MZF1: variants seen among roughly 807,000 people sequenced by gnomAD.
The protein encoded by MZF1 is myeloid zinc finger 1, also known as zinc finger and SCAN domain-containing protein 6.
Under a neutral mutation model 28.6 loss-of-function variants are expected in MZF1, and 24 were observed. That is an observed-to-expected ratio of 0.84 (90% CI 0.61 to 1.18). The LOEUF is 1.18. MZF1 is among the 50% of genes most tolerant of loss of function. MZF1 has a pLI of 0.00. For missense variants in MZF1, 1,166 were observed against 1,026.4 expected, an observed-to-expected ratio of 1.14 and a Z score of -1.86; for synonymous variants, 516 against 432.5, an observed-to-expected ratio of 1.19 and a Z score of -2.40.
chr19:58,568,418 C>G (rs2054096132), intron 5 of MZF1: 1 of 151,992 alleles, frequency 6.6e-6, no homozygotes, highest in Non-Finnish European at 1.5e-5. Context: ...TAAGAGGCAT[C>G]CCAGAAACAG....
Position 58,571,244 on chromosome 19 carries a change from C to T in MZF1, c.146G>A (p.Cys49Tyr). 1.9e-6 allele frequency: 3 copies of T among 1,612,728 alleles called. No homozygotes were observed. In the African/African-American group the frequency reaches 4.0e-5, roughly 21 times the overall value. The change falls in exon 2 of 6, where the codon TGC (cysteine) becomes TAC (tyrosine). Residue 49 changes from cysteine to tyrosine, a missense_variant. By Grantham distance (194) the Cys-to-Tyr change is radical (BLOSUM62 -2). Transcript: ENST00000215057. ...CCCTGTGGCCTCCTCATAGCGGAAG[C>T]ACCGGAAACGCAGGCGTGCAGCTTC... ...GPEAARLRFR[C>Y]FRYEEATGPQ...
chr19:58,563,018 C>T lies in MZF1; in HGVS notation c.1259G>A (p.Gly420Asp), dbSNP rs987090952. ...TTCCAGGCGCGCGCTGCGCACGAAG[C>T]CCTGGCCACAGTCGCCGCACACGAA... ...RPFVCGDCGQ[G>D]FVRSARLEEH... Residue 420 changes from glycine (G) to aspartate (D), a missense_variant, in exon 6 of 6, where the codon GGC (glycine) becomes GAC (aspartate). Coordinates refer to ENST00000215057, the MANE Select transcript of MZF1 (RefSeq NM_198055.2). The T allele has an allele frequency of 1.9e-6, 3 of 1,601,814 alleles. No individual in the cohort carries two copies. Among genetic ancestry groups the T allele is most frequent in the Non-Finnish European group, 2.5e-6 (3 of 1,179,662 alleles).
Position 58,563,078 on chromosome 19 carries a change from A to G in MZF1, c.1199T>C (p.Leu400Pro), listed in dbSNP as rs756977306. The change falls in exon 6 of 6, where the codon CTG (leucine) becomes CCG (proline). Residue 400 changes from leucine to proline, a missense_variant. Transcript: ENST00000215057. ...CTCGGTGTGCGTAAGCTGGTGGCGC[A>G]GCAGGTGCGAGCTGCGGCTGAAGCT... ...GRSFSRSSHL[L>P]RHQLTHTEER... 1 of 1,603,820 alleles carries G rather than the reference A, an allele frequency of 6.2e-7. No individual in the cohort carries two copies. Among genetic ancestry groups the G allele is most frequent in the South Asian group, 1.1e-5 (1 of 90,980 alleles).
Position 58,562,012 on chromosome 19 carries a change from A to G in MZF1, c.*60T>C, listed in dbSNP as rs2053933729. The G allele has an allele frequency of 2.0e-6, 3 of 1,496,404 alleles. No homozygotes were observed. The highest frequency in any genetic ancestry group is 2.5e-5 in the South Asian group (2 of 81,498). The allele number at this position is 1,496,404 out of a possible 1,614,324, so 92.7% of individuals were successfully genotyped here. On this transcript the variant is annotated 3_prime_UTR_variant, in exon 6 of 6. Transcript: ENST00000215057. Reference sequence around the variant, plus strand: ...TTATACTTATGTAATCGCCAGCCTCACAATAACCAGGGGAGGTAGGTGTTC... The same window carrying G: ...TTATACTTATGTAATCGCCAGCCTCGCAATAACCAGGGGAGGTAGGTGTTC...
intron 3 of MZF1, 136 bp downstream of exon 3, chr19:58,570,208 T>C (rs780662625): frequency 5.3e-6 from 5 of 940,806 alleles, no homozygotes; most frequent in East Asian, 2.6e-5. Context: ...CTGGGTAGAA[T>C]GTGGGGGCTG....
In MZF1 at chr19:58,562,089, C is replaced by G. The variant is rs759082568; in HGVS notation, c.2188G>C (p.Val730Leu). The change falls in exon 6 of 6, where the codon GTC becomes CTC. Residue 730 changes from valine (V) to leucine (L), a missense_variant. By Grantham distance (32) the Val-to-Leu change is conservative (BLOSUM62 1). Coordinates refer to ENST00000215057, the MANE Select transcript of MZF1 (RefSeq NM_198055.2). Reference sequence around the variant, plus strand: ...GGCTGGAGCTACTCGGCGCTGTGGACGCGCTGGTGCTGAATGAGCTTGGTG... The same window carrying G: ...GGCTGGAGCTACTCGGCGCTGTGGAGGCGCTGGTGCTGAATGAGCTTGGTG... The part of the protein sequence containing the change: ...QSTKLIQHQR[V>L]HSAE 14 of 1,566,410 alleles carry G rather than the reference C, an allele frequency of 8.9e-6. No homozygotes were observed. The Admixed American group carries it at 2.1e-4, about 24-fold the overall frequency.
rs150630080 is a variant in MZF1 at position 58,562,373 on chromosome 19, G to C, written c.1904C>G (p.Thr635Arg). 3,479 of 1,607,022 alleles carry C rather than the reference G, an allele frequency of 2.2e-3. 6 individuals carry two copies. The highest frequency in any genetic ancestry group is 2.4e-3 in the Non-Finnish European group (2,817 of 1,177,760). ...YHCGECGLGF[T>R]QVSRLTEHQR... ...GTGCTCGGTGAGCCGCGAGACCTGC[G>C]TGAAGCCCAGGCCGCACTCACCGCA... The change falls in exon 6 of 6, where the codon ACG becomes AGG. Residue 635 changes from threonine (T) to arginine (R), a missense_variant. Coordinates refer to ENST00000215057, the MANE Select transcript of MZF1 (RefSeq NM_198055.2).
chr19:58,572,190 TGGCTCCTCATTTG>T (rs1471586040), intron 1 of MZF1, among the ~76,000 whole-genome samples: 5 of 152,262 alleles, frequency 3.3e-5, no homozygotes, highest in Middle Eastern at 3.4e-3. Flanking sequence ...TACTTCGATG[TGGCTCCTCATTTG>T]GGCCCCACCA....
rs1305968357 is a variant in MZF1, at chr19:58,571,421, T to C, written c.-32A>G. On this transcript the variant is annotated 5_prime_UTR_variant, in exon 2 of 6. Transcript: ENST00000215057. Reference sequence around the variant, plus strand: ...TACCAGGTCAGGTATCTGAGGCCAGTGTCTGCCCCTGGTGAAGAAATAGGA... The same window carrying C: ...TACCAGGTCAGGTATCTGAGGCCAGCGTCTGCCCCTGGTGAAGAAATAGGA... 6.2e-7 allele frequency: 1 copy of C among 1,610,082 alleles called. No homozygotes were observed.
intron 1 of MZF1, among the ~76,000 whole-genome samples, chr19:58,572,207 CCCA>C (rs1457550475): frequency 6.6e-6 from 1 of 152,074 alleles, no homozygotes. Flanking sequence ...TCATTTGGGC[CCCA>C]CCATCATTCC....
chr19:58,566,676 T>C (rs2122709150), intron 5 of MZF1, among the ~76,000 whole-genome samples: 1 of 152,082 alleles, frequency 6.6e-6, no homozygotes. Context: ...GATGAAGACA[T>C]AAAAAGACCT....
At chr19:58,568,958 C>A in intron 5 of MZF1, 1 of 249,204 alleles carries the variant, frequency 4.0e-6, no homozygotes, top group South Asian at 5.4e-5. Flanking sequence ...GGATGCAAGC[C>A]CAGGAGGCCA....
At position 58,568,525 on chromosome 19, in the gene MZF1, C is replaced by T. The variant is rs567996654; in HGVS notation, c.772+752G>A. 2.6e-5 allele frequency: 4 copies of T among 152,194 alleles called. No homozygotes were observed. In the South Asian group the frequency reaches 8.3e-4, roughly 32 times the overall value. 9.4% of individuals were successfully genotyped at this position (152,194 alleles called of 1,614,324 possible). A position where few individuals can be genotyped will look rare whatever the true frequency, so the allele number is the denominator to read the frequency against. On this transcript the variant is annotated intron_variant, in intron 5 of 5. Transcript: ENST00000215057. ...ATTTCAAACTGAAAAAGCTCACCAA[C>T]AATAGTGATAAAAAAAGGTCTGTGA...
At position 58,565,874 on chromosome 19, in the gene MZF1, C is replaced by T. The variant is rs551354841; in HGVS notation, c.773-2370G>A. Reference sequence around the variant, plus strand: ...AGAGGAATGGGGCTGGGCACGGTGGCTCACGCCTGTAATCCCAGCACTTTG... The same window carrying T: ...AGAGGAATGGGGCTGGGCACGGTGGTTCACGCCTGTAATCCCAGCACTTTG... On this transcript the variant is annotated intron_variant, in intron 5 of 5. Coordinates refer to ENST00000215057, the MANE Select transcript of MZF1 (RefSeq NM_198055.2). Among the ~76,000 whole-genome samples the T allele has an allele frequency of 2.9e-3, 427 of 147,910 alleles. 3 individuals are homozygous for T. Among genetic ancestry groups the T allele is most frequent in the African/African-American group, 9.1e-3 (367 of 40,338 alleles).
intron 3 of MZF1, 37 bp downstream of exon 3, chr19:58,570,307 A>G (rs375575836): frequency 1.9e-6 from 3 of 1,559,928 alleles, no homozygotes; most frequent in African/African-American, 2.8e-5. Context: ...GGCCCACCCA[A>G]CCAGACCTTA....
At chr19:58,569,708 G>A (rs1169047563) in intron 3 of MZF1, 122 bp from the exon 4 acceptor site, 10 of 843,620 alleles carry the variant, frequency 1.2e-5, no homozygotes, top group Middle Eastern at 2.3e-4. Flanking sequence ...TTGGGTTGGG[G>A]AGGGCAGTGC....
chr19:58,563,206 A>G lies in MZF1; in HGVS notation c.1071T>C (p.Arg357=), dbSNP rs2053969821. ...TGAACACCTTGCCACATACATCGCA[A>G]CGGCCGCCCCTAACCACCCCGCCCC... ...STGGGVVRGG[R]CDVCGKVFSQ... Residue 357 remains arginine (R), a synonymous_variant, in exon 6 of 6, where the codon CGT becomes CGC. Transcript: ENST00000215057. 1.9e-6 allele frequency: 3 copies of G among 1,611,028 alleles called. No homozygotes were observed. Among genetic ancestry groups the G allele is most frequent in the Non-Finnish European group, 2.5e-6 (3 of 1,179,442 alleles).
In MZF1 at chr19:58,569,298, C is replaced by A; in HGVS notation, c.751G>T (p.Ala251Ser). 6.2e-7 allele frequency: 1 copy of A among 1,607,640 alleles called. No homozygotes were observed. The highest frequency in any genetic ancestry group is 1.1e-5 in the South Asian group (1 of 90,466). Residue 251 changes from alanine to serine, a missense_variant, in exon 5 of 6, where the codon GCT (alanine) becomes TCT (serine). By Grantham distance (99) the Ala-to-Ser change is moderately conservative (BLOSUM62 1). Transcript: ENST00000215057. ...TTACCTGGGGAGAAGATGCCCCCAG[C>A]TTCCTCATGCCACAGGGCCCTGGGG... ...EHPRALWHEEAGGIFSPGFAL... is the reference protein window; with the variant it reads ...EHPRALWHEESGGIFSPGFAL...
At chr19:58,569,619 G>A in intron 3 of MZF1, 33 bp from the exon 4 acceptor site, 1 of 1,542,038 alleles carries the variant, frequency 6.5e-7, no homozygotes, top group Non-Finnish European at 8.8e-7. Flanking sequence ...GGCAGCCTGA[G>A]TGAGTTTCCA....
Sources: gnomAD v4.1 joint callset for allele counts (sites outside exome capture counted in the v4.1 genomes callset) on GRCh38, gnomAD v4.1.1 for gene constraint, MANE v1.5 for transcripts, NCBI Gene and HGNC (gene_info 2026-07-23, HGNC 2026-07-21) for gene names.